Variants in GNAT3 observed in about 807,000 individuals in gnomAD.
GNAT3 encodes the protein guanine nucleotide-binding protein G(t) subunit alpha-3.
In GNAT3, 31 loss-of-function variants were observed where a neutral mutation model predicts 37.7. The observed-to-expected ratio is 0.82, with a 90% confidence interval of 0.62 to 1.11. GNAT3 has a LOEUF of 1.11. Ranked by LOEUF, GNAT3 falls within the 50% of genes most tolerant of loss-of-function variation. The probability of loss-of-function intolerance (pLI) is 0.00; values close to 1 mark genes in which losing one functional copy is unlikely to be tolerated. For missense variants in GNAT3, 437 were observed against 412.5 expected (o/e 1.06, Z -0.51); for synonymous variants, 138 against 139.8 (o/e 0.99, Z 0.09).
intron 5 of GNAT3, among the ~76,000 whole-genome samples, chr7:80,472,609 T>C (rs1002040653): frequency 6.6e-6 from 1 of 152,122 alleles, no homozygotes; most frequent in Admixed American, 6.6e-5. Flanking sequence ...TTTGAGACAA[T>C]ACCAAATTGG....
intron 2 of GNAT3, among the ~76,000 whole-genome samples, chr7:80,493,918 C>T (rs1790662900): frequency 6.6e-6 from 1 of 151,210 alleles, no homozygotes; most frequent in African/African-American, 2.4e-5. Context: ...CTCCTCCTTT[C>T]CTCCTCCTCC....
Position 80,511,861 on chromosome 7 carries a change from C to G in GNAT3, c.66G>C (p.Lys22Asn), listed in dbSNP as rs200959065. ...SAKRSKELEKKLQEDAERDAR... is the reference protein window; with the variant it reads ...SAKRSKELEKNLQEDAERDAR... ...CATCTCGCTCAGCATCCTCCTGAAG[C>G]TTTTTCTCCAGTTCTTTTGATCTTT... Residue 22 changes from lysine to asparagine, a missense_variant, in exon 1 of 8, where the codon AAG (lysine) becomes AAC (asparagine). By Grantham distance (94) the Lys-to-Asn change is moderately conservative. Coordinates refer to ENST00000398291, the MANE Select transcript of GNAT3 (RefSeq NM_001102386.3). 1.9e-6 allele frequency: 3 copies of G among 1,612,404 alleles called. No individual in the cohort carries two copies. The highest frequency in any genetic ancestry group is 3.3e-5 in the Admixed American group (2 of 59,802).
At chr7:80,505,405 T>TC (rs1189896317) in intron 1 of GNAT3, among the ~76,000 whole-genome samples, 5 of 152,158 alleles carry the variant, frequency 3.3e-5, no homozygotes, top group African/African-American at 4.8e-5. Context: ...TCTCACTCTG[T>TC]GCCCAGGCTG....
chr7:80,494,666 A>G lies in GNAT3; in HGVS notation c.119-19T>C, dbSNP rs1050793981. The G allele has an allele frequency of 7.1e-6, 10 of 1,415,444 alleles. No homozygotes were observed. The African/African-American group carries it at 1.4e-4, about 20-fold the overall frequency. 87.7% of individuals were successfully genotyped at this position (1,415,444 alleles called of 1,614,324 possible). A position where few individuals can be genotyped will look rare whatever the true frequency, so the allele number is the denominator to read the frequency against. ...CCTGCTCCTGCAACATAAAAAGAGG[A>G]ATATTATTAACTGATATACCAAATT... On this transcript the variant is annotated intron_variant, in intron 1 of 7. Transcript: ENST00000398291.
intron 1 of GNAT3, among the ~76,000 whole-genome samples, chr7:80,497,990 A>G (rs1398517978): frequency 6.6e-6 from 1 of 152,190 alleles, no homozygotes; most frequent in Non-Finnish European, 1.5e-5. Context: ...TTGTATCAGC[A>G]TATGTATTAT....
chr7:80,472,069 A>G (rs891476669), intron 5 of GNAT3, among the ~76,000 whole-genome samples: 3 of 152,054 alleles, frequency 2.0e-5, no homozygotes, highest in African/African-American at 7.2e-5. Flanking sequence ...GGGGCATATG[A>G]GATAGAAACA....
chr7:80,464,285 T>C (rs958242760), intron 5 of GNAT3, among the ~76,000 whole-genome samples: 1 of 151,856 alleles, frequency 6.6e-6, no homozygotes, highest in South Asian at 2.1e-4. Context: ...TCAGGAGTTG[T>C]AGAAGATAGC....
chr7:80,508,140 G>T (rs1790984618), intron 1 of GNAT3, among the ~76,000 whole-genome samples: 1 of 151,820 alleles, frequency 6.6e-6, no homozygotes, highest in Non-Finnish European at 1.5e-5. Flanking sequence ...GTGAAAAATT[G>T]TAGAATAAAT....
At chr7:80,479,113 C>T (rs1790350495) in intron 3 of GNAT3, 115 bp from the exon 4 acceptor site, 3 of 756,210 alleles carry the variant, frequency 4.0e-6, no homozygotes, top group African/African-American at 1.8e-5. Context: ...CTAATAATTC[C>T]ACCAAACATC....
chr7:80,458,924 A>G, intron 7 of GNAT3, 63 bp from the exon 8 acceptor site: 1 of 1,101,342 alleles, frequency 9.1e-7, no homozygotes, highest in East Asian at 2.8e-5. Flanking sequence ...ATAGGCTATA[A>G]ATAATATCAG....
chr7:80,473,973 C>T lies in GNAT3; in HGVS notation c.590+278G>A, dbSNP rs377365334. On this transcript the variant is annotated intron_variant, in intron 5 of 7. Transcript: ENST00000398291. ...CATTTTCTTTTTTTTCCCCAAAGTA[C>T]AGTGCCAGTTTTAAGCATGAGGAAA... Among the ~76,000 whole-genome samples the T allele has an allele frequency of 3.4e-4, 52 of 152,090 alleles. 1 individual carries two copies. Among genetic ancestry groups the T allele is most frequent in the African/African-American group, 1.2e-3 (49 of 41,472 alleles).
At chr7:80,490,414 A>G (rs10242727) in intron 2 of GNAT3, among the ~76,000 whole-genome samples, 41,245 of 152,030 alleles carry the variant, frequency 0.27, 10,171 homozygotes, top group African/African-American at 0.66. Context: ...AGAGATTTTT[A>G]AACATTATGA....
At chr7:80,502,123 A>T (rs1790844273) in intron 1 of GNAT3, among the ~76,000 whole-genome samples, 2 of 152,044 alleles carry the variant, frequency 1.3e-5, no homozygotes, top group Non-Finnish European at 2.9e-5. Flanking sequence ...AAGTGTTCTT[A>T]TAATAATAGT....
At chr7:80,499,200 T>G (rs2116218249) in intron 1 of GNAT3, among the ~76,000 whole-genome samples, 1 of 152,274 alleles carries the variant, frequency 6.6e-6, no homozygotes, top group African/African-American at 2.4e-5. Flanking sequence ...CAATAGAGAT[T>G]ATGATAATCA....
chr7:80,474,838 TA>T (rs776637619), intron 4 of GNAT3, among the ~76,000 whole-genome samples: 10 of 152,198 alleles, frequency 6.6e-5, no homozygotes, highest in Non-Finnish European at 1.0e-4. Context: ...GTGGCTAGAT[TA>T]TCCTCGAAAT....
intron 5 of GNAT3, among the ~76,000 whole-genome samples, chr7:80,473,204 T>C (rs1004831389): frequency 6.6e-6 from 1 of 152,196 alleles, no homozygotes; most frequent in African/African-American, 2.4e-5. Flanking sequence ...TTTACCCTGG[T>C]TTAATCTTTG....
At chr7:80,475,695 A>G (rs1053483416) in intron 4 of GNAT3, among the ~76,000 whole-genome samples, 1 of 152,184 alleles carries the variant, frequency 6.6e-6, no homozygotes, top group African/African-American at 2.4e-5. Context: ...TTGAAAAAAC[A>G]AAATTATTTT....
At chr7:80,491,679 C>T (rs1225801145) in intron 2 of GNAT3, among the ~76,000 whole-genome samples, 1 of 152,098 alleles carries the variant, frequency 6.6e-6, no homozygotes, top group Admixed American at 6.6e-5. Context: ...AAGGAGACTT[C>T]AAATAAAATG....
intron 5 of GNAT3, among the ~76,000 whole-genome samples, chr7:80,469,506 A>G (rs1790174712): frequency 6.6e-6 from 1 of 152,170 alleles, no homozygotes; most frequent in Admixed American, 6.5e-5. Context: ...TCAGTTTGAC[A>G]GTTGCAGTTC....
Sources: allele counts gnomAD v4.1 joint callset (sites outside exome capture counted in the v4.1 genomes callset), GRCh38; gene constraint gnomAD v4.1.1; transcripts MANE v1.5; gene names NCBI Gene and HGNC (gene_info 2026-07-23, HGNC 2026-07-21).